RASSF9: variants seen among roughly 807,000 people sequenced by gnomAD.
RASSF9 encodes Ras association domain family member 9, also known as ras association domain-containing protein 9.
RASSF9 carries 18 observed loss-of-function variants against 21.4 expected under a neutral mutation model. The ratio of observed to expected loss-of-function variants is 0.84; its 90% CI spans 0.58 to 1.25. The LOEUF (loss-of-function observed/expected upper bound fraction) is 1.25, where lower values mean the gene tolerates loss of function less well. Among genes scored for constraint, RASSF9 ranks in the 50% most tolerant of loss-of-function variants. The pLI is 0.00. For synonymous variants in RASSF9, 183 were observed against 179.1 expected, an observed-to-expected ratio of 1.02 and a Z score of -0.18; for missense variants, 480 against 503.2, an observed-to-expected ratio of 0.95 and a Z score of 0.44.
At chr12:85,818,643 A>T (rs1365260118) in intron 1 of RASSF9, among the ~76,000 whole-genome samples, 1 of 152,128 alleles carries the variant, frequency 6.6e-6, no homozygotes, top group Non-Finnish European at 1.5e-5. Flanking sequence ...CAGTCTCCTA[A>T]TTTTTTAAAG....
At chr12:85,822,735 CTT>C (rs1025744487) in intron 1 of RASSF9, among the ~76,000 whole-genome samples, 1 of 152,158 alleles carries the variant, frequency 6.6e-6, no homozygotes, top group Non-Finnish European at 1.5e-5. Flanking sequence ...TTCGTAAACT[CTT>C]TTTATCTTCT....
chr12:85,825,040 G>A (rs1326847130), intron 1 of RASSF9, among the ~76,000 whole-genome samples: 6 of 152,032 alleles, frequency 3.9e-5, no homozygotes, highest in East Asian at 1.9e-4. Flanking sequence ...GTCTCACTCC[G>A]TGACCAGGCT....
In RASSF9 at chr12:85,805,699, C is replaced by T; in HGVS notation, c.311G>A (p.Gly104Glu). Residue 104 changes from glycine (G) to glutamate (E), a missense_variant, in exon 2 of 2, where the codon GGA (glycine) becomes GAA (glutamate). By Grantham distance (98) the Gly-to-Glu change is moderately conservative. Transcript: ENST00000361228. ...AAATTGCATATTGGGCTGCTCATCT[C>T]CCCACGCTTTCCAAAGCTTCAGGAT... ...TRILKLWKAW[G>E]DEQPNMQFVL... The T allele has an allele frequency of 6.2e-7, 1 of 1,613,962 alleles. No individual in the cohort carries two copies. The highest frequency in any genetic ancestry group is 8.5e-7 in the Non-Finnish European group (1 of 1,179,904).
rs973926855 is a variant in RASSF9 at position 85,804,452 on chromosome 12, A to G, written c.*250T>C. ...ATTATCATATGATTCCCATCAAATT[A>G]TTTCTGTGTTCTACAACGACAAGCT... On this transcript the variant is annotated 3_prime_UTR_variant, in exon 2 of 2. Transcript: ENST00000361228. 1 of 383,262 alleles carries G rather than the reference A, an allele frequency of 2.6e-6. No homozygotes were observed. The highest frequency in any genetic ancestry group is 2.1e-5 in the African/African-American group (1 of 48,522). 23.7% of individuals were successfully genotyped at this position (383,262 alleles called of 1,614,324 possible).
At chr12:85,814,325 A>T (rs981662196) in intron 1 of RASSF9, among the ~76,000 whole-genome samples, 1 of 152,050 alleles carries the variant, frequency 6.6e-6, no homozygotes, top group Non-Finnish European at 1.5e-5. Flanking sequence ...CACTGTTGAC[A>T]CACCCTGTTC....
chr12:85,829,108 A>G (rs1474456629), intron 1 of RASSF9, among the ~76,000 whole-genome samples: 4 of 152,148 alleles, frequency 2.6e-5, no homozygotes, highest in African/African-American at 4.8e-5. Context: ...GATCAGAGTA[A>G]ATAAGGAGCA....
At chr12:85,816,797 A>G (rs1020953726) in intron 1 of RASSF9, among the ~76,000 whole-genome samples, 1 of 152,188 alleles carries the variant, frequency 6.6e-6, no homozygotes, top group African/African-American at 2.4e-5. Flanking sequence ...TAAATGACTA[A>G]GCCAGTTATG....
chr12:85,805,771 A>G lies in RASSF9; in HGVS notation c.239T>C (p.Ile80Thr), dbSNP rs1217253986. The G allele has an allele frequency of 5.0e-6, 8 of 1,613,764 alleles. No homozygotes were observed. Among genetic ancestry groups the G allele is most frequent in the Admixed American group, 1.7e-5 (1 of 60,012 alleles). The change falls in exon 2 of 2, where the codon ATA becomes ACA. Residue 80 changes from isoleucine to threonine, a missense_variant. By Grantham distance (89) the Ile-to-Thr change is moderately conservative. Coordinates refer to ENST00000361228, the MANE Select transcript of RASSF9 (RefSeq NM_005447.4). Reference protein sequence around the residue: ...LLGKPSDYCIIEKWRGSERVL... With the variant: ...LLGKPSDYCITEKWRGSERVL... Reference sequence around the variant, plus strand: ...CCTTTCGGAGCCTCTCCACTTCTCTATGATGCAGTAATCACTGGGCTTCCC... The same window carrying G: ...CCTTTCGGAGCCTCTCCACTTCTCTGTGATGCAGTAATCACTGGGCTTCCC...
In RASSF9 at chr12:85,836,223, A is replaced by C. The variant is rs771302171; in HGVS notation, c.-22T>G. The C allele has an allele frequency of 1.7e-5, 26 of 1,513,452 alleles. No homozygotes were observed. The highest frequency in any genetic ancestry group is 2.2e-5 in the Non-Finnish European group (25 of 1,115,940). 93.8% of individuals were successfully genotyped at this position (1,513,452 alleles called of 1,614,324 possible). A position where few individuals can be genotyped will look rare whatever the true frequency, so the allele number is the denominator to read the frequency against. The stretch of plus-strand genomic sequence containing the variant: ...CCATGGTCTGTCGGGCAAACGAATA[A>C]AGAAATTATCTTAAAGTGATCTGAG... On this transcript the variant is annotated 5_prime_UTR_variant, in exon 1 of 2. Transcript: ENST00000361228.
At position 85,805,347 on chromosome 12, in the gene RASSF9, A is replaced by C; in HGVS notation, c.663T>G (p.Asp221Glu). The C allele has an allele frequency of 6.2e-7, 1 of 1,613,614 alleles. No individual in the cohort carries two copies. Among genetic ancestry groups the C allele is most frequent in the Non-Finnish European group, 8.5e-7 (1 of 1,179,862 alleles). ...AGTTTTCTCCATCATTTTCTACTCGATCAAGATGGAACTTAGCTTCACACT... is the reference window on the plus strand; with the variant it reads ...AGTTTTCTCCATCATTTTCTACTCGCTCAAGATGGAACTTAGCTTCACACT... ...IEKCEAKFHL[D>E]RVENDGENYV... Residue 221 changes from aspartate to glutamate, a missense_variant, in exon 2 of 2, where the codon GAT becomes GAG. Transcript: ENST00000361228.
At chr12:85,835,240 T>C (rs1489812548) in intron 1 of RASSF9, among the ~76,000 whole-genome samples, 1 of 152,118 alleles carries the variant, frequency 6.6e-6, no homozygotes, top group Admixed American at 6.6e-5. Flanking sequence ...ACAGGCATGA[T>C]TGAGAGAAAA....
chr12:85,833,743 G>A (rs765694407), intron 1 of RASSF9, among the ~76,000 whole-genome samples: 6 of 151,802 alleles, frequency 4.0e-5, no homozygotes, highest in Non-Finnish European at 8.8e-5. Context: ...TGTTATTGTT[G>A]TCTGTTATAT....
intron 1 of RASSF9, among the ~76,000 whole-genome samples, chr12:85,827,920 G>A (rs1880366830): frequency 6.6e-6 from 1 of 152,116 alleles, no homozygotes; most frequent in African/African-American, 2.4e-5. Flanking sequence ...CATTCGATCA[G>A]AGGAAAAACC....
chr12:85,815,037 G>C (rs527923899), intron 1 of RASSF9, among the ~76,000 whole-genome samples: 2 of 152,018 alleles, frequency 1.3e-5, no homozygotes, highest in African/African-American at 4.8e-5. Context: ...GGACAGAAGG[G>C]ACAAACAAAG....
At position 85,804,741 on chromosome 12, in the gene RASSF9, G is replaced by C; in HGVS notation, c.1269C>G (p.Ser423=). 6.2e-7 allele frequency: 1 copy of C among 1,610,376 alleles called. No individual in the cohort carries two copies. Among genetic ancestry groups the C allele is most frequent in the Non-Finnish European group, 8.5e-7 (1 of 1,177,018 alleles). The change falls in exon 2 of 2, where the codon TCC becomes TCG. Residue 423 remains serine (S), a synonymous_variant. Coordinates refer to ENST00000361228, the MANE Select transcript of RASSF9 (RefSeq NM_005447.4). Reference sequence around the variant, plus strand: ...GCACCACATCTCCTACTGTTGTTTCGGAGTCCTGACTGTGGTTAGAACTGA... The same window carrying C: ...GCACCACATCTCCTACTGTTGTTTCCGAGTCCTGACTGTGGTTAGAACTGA... The part of the protein sequence containing the change: ...TGISSNHSQD[S]ETTVGDVVLL...
At chr12:85,825,768 AAAT>A (rs1319434007) in intron 1 of RASSF9, among the ~76,000 whole-genome samples, 4 of 146,944 alleles carry the variant, frequency 2.7e-5, no homozygotes, top group African/African-American at 1.0e-4. Context: ...CAAAAGGTAA[AAAT>A]AATGTGATCT....
At chr12:85,831,295 T>G (rs940401832) in intron 1 of RASSF9, among the ~76,000 whole-genome samples, 4 of 152,032 alleles carry the variant, frequency 2.6e-5, no homozygotes, top group Admixed American at 6.6e-5. Context: ...GAACACATTA[T>G]CTAAATTAAA....
chr12:85,815,878 C>A (rs1257634474), intron 1 of RASSF9, among the ~76,000 whole-genome samples: 1 of 151,914 alleles, frequency 6.6e-6, no homozygotes, highest in Non-Finnish European at 1.5e-5. Flanking sequence ...CATTGCAGCA[C>A]TATTCACAAT....
At chr12:85,820,832 C>T (rs1002978338) in intron 1 of RASSF9, among the ~76,000 whole-genome samples, 13 of 151,996 alleles carry the variant, frequency 8.6e-5, no homozygotes, top group Non-Finnish European at 1.3e-4. Flanking sequence ...GATATGTTCC[C>T]CAACTTGTTC....
Sources: allele counts gnomAD v4.1 joint callset (sites outside exome capture counted in the v4.1 genomes callset), GRCh38; gene constraint gnomAD v4.1.1; transcripts MANE v1.5; gene names NCBI Gene and HGNC (gene_info 2026-07-23, HGNC 2026-07-21).